PREP: variants seen among roughly 807,000 people sequenced by gnomAD.
The protein encoded by PREP is prolyl endopeptidase.
PREP carries 29 observed loss-of-function variants against 87.6 expected under a neutral mutation model. The ratio of observed to expected loss-of-function variants is 0.33; its 90% CI spans 0.25 to 0.45. The LOEUF is 0.45. Among genes scored for constraint, PREP ranks in the 20% least tolerant of loss-of-function variants. The pLI is 1.00. For synonymous variants in PREP, 337 were observed against 328.6 expected (o/e 1.03, Z -0.28); for missense variants, 695 against 886.5 (o/e 0.78, Z 2.74).
rs761927451 is a variant in PREP at position 105,281,912 on chromosome 6, C to CAACGTAGAAAG, written c.1682-21_1682-11dup. ...TGATTTGCACAAGCAGCTAAAAGCC[C>CAACGTAGAAAG]AACGTAGAAAGAAAAGGGAGGCAGT... On this transcript the variant is annotated splice_polypyrimidine_tract_variant and intron_variant, in intron 13 of 14. Transcript: ENST00000652536. The CAACGTAGAAAG allele has an allele frequency of 4.3e-6, 7 of 1,611,692 alleles. No individual in the cohort carries two copies. Among genetic ancestry groups the CAACGTAGAAAG allele is most frequent in the African/African-American group, 1.3e-5 (1 of 74,836 alleles).
At chr6:105,299,998 G>C (rs1770498319) in intron 10 of PREP, among the ~76,000 whole-genome samples, 1 of 151,784 alleles carries the variant, frequency 6.6e-6, no homozygotes, top group South Asian at 2.1e-4. Context: ...CTAGGTTCAA[G>C]CGATTCTCCT....
intron 6 of PREP, among the ~76,000 whole-genome samples, chr6:105,353,726 G>A (rs756438888): frequency 1.7e-4 from 25 of 148,120 alleles, no homozygotes; most frequent in Admixed American, 4.7e-4. Flanking sequence ...GAGCTGACAC[G>A]GTGCCACTGC....
chr6:105,360,020 A>G (rs1360221582), intron 6 of PREP, among the ~76,000 whole-genome samples: 1 of 152,210 alleles, frequency 6.6e-6, no homozygotes, highest in African/African-American at 2.4e-5. Context: ...CATCGCTAAT[A>G]TCCTGTAAAT....
intron 10 of PREP, among the ~76,000 whole-genome samples, chr6:105,310,911 C>T (rs1221301439): frequency 1.3e-5 from 2 of 152,150 alleles, no homozygotes; most frequent in Non-Finnish European, 2.9e-5. Flanking sequence ...AAATATTTAT[C>T]CTCCTAATCT....
rs1769889579 is a variant in PREP, at chr6:105,274,165, T to C, written c.*3979A>G. On this transcript the variant is annotated 3_prime_UTR_variant, in exon 15 of 15. Coordinates refer to ENST00000652536, the MANE Select transcript of PREP (RefSeq NM_002726.5). ...CTGGTGGGTTGTCAACAACAGAAAT[T>C]GCTCTCTCACAGTCCTAGAGTCTGG... is the stretch of plus-strand genomic sequence containing the variant. Among the ~76,000 whole-genome samples the C allele has an allele frequency of 1.3e-5, 2 of 152,170 alleles. 1 individual carries two copies. Among genetic ancestry groups the C allele is most frequent in the Admixed American group, 1.3e-4 (2 of 15,278 alleles).
At chr6:105,281,574 C>G in intron 14 of PREP, 172 bp downstream of exon 14, 1 of 793,892 alleles carries the variant, frequency 1.3e-6, no homozygotes, top group Non-Finnish European at 1.9e-6. Flanking sequence ...TGCTTTTGTT[C>G]AAGACCATAT....
At chr6:105,365,217 G>A (rs1049966182) in intron 6 of PREP, among the ~76,000 whole-genome samples, 9 of 152,276 alleles carry the variant, frequency 5.9e-5, no homozygotes, top group African/African-American at 1.7e-4. Flanking sequence ...ACGGCACTCC[G>A]CCCTGGGTGA....
intron 7 of PREP, among the ~76,000 whole-genome samples, chr6:105,348,323 A>AG (rs1456734485): frequency 6.6e-6 from 1 of 152,182 alleles, no homozygotes; most frequent in South Asian, 2.1e-4. Flanking sequence ...TTACAGAGGG[A>AG]GGGGGGCTTA....
At position 105,352,999 on chromosome 6, in the gene PREP, G is replaced by T; in HGVS notation, c.796C>A (p.Leu266Ile). 3 of 1,613,868 alleles carry T rather than the reference G, an allele frequency of 1.9e-6. No homozygotes were observed. The highest frequency in any genetic ancestry group is 2.5e-6 in the Non-Finnish European group (3 of 1,179,830). Residue 266 changes from leucine to isoleucine, a missense_variant, in exon 7 of 15, where the codon CTA (leucine) becomes ATA (isoleucine). By Grantham distance (5) the Leu-to-Ile change is conservative. Transcript: ENST00000652536. Reference sequence around the variant, plus strand: ...GCGATGCCACTGGATTCCTGCTGTAGGTCACAGTACCAGAGTCGGTTTACT... The same window carrying T: ...GCGATGCCACTGGATTCCTGCTGTATGTCACAGTACCAGAGTCGGTTTACT... The part of the protein sequence containing the change: ...DPVNRLWYCD[L>I]QQESSGIAGI...
At chr6:105,288,254 T>G (rs1770228169) in intron 11 of PREP, among the ~76,000 whole-genome samples, 1 of 152,240 alleles carries the variant, frequency 6.6e-6, no homozygotes, top group African/African-American at 2.4e-5. Flanking sequence ...TTGGTTGTTT[T>G]TCAAGATTAG....
At chr6:105,309,085 C>T (rs995967762) in intron 10 of PREP, among the ~76,000 whole-genome samples, 28 of 151,730 alleles carry the variant, frequency 1.8e-4, no homozygotes, top group African/African-American at 4.6e-4. Context: ...CTGCAGCAGG[C>T]GGGTGAGGGA....
intron 1 of PREP, among the ~76,000 whole-genome samples, chr6:105,398,792 C>T (rs1773349833): frequency 6.6e-6 from 1 of 152,180 alleles, no homozygotes; most frequent in African/African-American, 2.4e-5. Flanking sequence ...TACAAAATCT[C>T]TCCACCTGAT....
At chr6:105,350,556 C>T (rs954656746) in intron 7 of PREP, among the ~76,000 whole-genome samples, 1 of 152,210 alleles carries the variant, frequency 6.6e-6, no homozygotes, top group East Asian at 1.9e-4. Context: ...TTTACTTAAT[C>T]TTTTCAATAG....
chr6:105,343,268 A>C (rs12198550), intron 7 of PREP, among the ~76,000 whole-genome samples: 9,042 of 152,170 alleles, frequency 0.059, 342 homozygotes, highest in South Asian at 0.14. Flanking sequence ...CAAAAACAAG[A>C]AATGGGGAAA....
At chr6:105,392,224 C>G (rs569406129) in intron 2 of PREP, among the ~76,000 whole-genome samples, 382 of 151,966 alleles carry the variant, frequency 2.5e-3, no homozygotes, top group Non-Finnish European at 4.5e-3. Context: ...ATTTTTAGTA[C>G]AGATGGGGTT....
chr6:105,331,189 G>A (rs923101144), intron 8 of PREP, among the ~76,000 whole-genome samples: 7 of 152,078 alleles, frequency 4.6e-5, no homozygotes, highest in Non-Finnish European at 7.4e-5. Context: ...ATGATATATG[G>A]CACATTCAAA....
At chr6:105,301,470 G>A (rs1770537689) in intron 10 of PREP, among the ~76,000 whole-genome samples, 1 of 152,186 alleles carries the variant, frequency 6.6e-6, no homozygotes. Flanking sequence ...GAACTTCCTA[G>A]GACTTAGAGG....
intron 7 of PREP, among the ~76,000 whole-genome samples, chr6:105,334,481 T>A (rs746803026): frequency 1.3e-5 from 2 of 152,172 alleles, no homozygotes; most frequent in South Asian, 4.2e-4. Context: ...CATTTTGGGA[T>A]GCCAGGGAAG....
intron 10 of PREP, among the ~76,000 whole-genome samples, chr6:105,309,493 G>T (rs369862079): frequency 3.9e-5 from 6 of 152,296 alleles, no homozygotes; most frequent in African/African-American, 1.4e-4. Flanking sequence ...GGGACTACAG[G>T]TGTGTGCCAC....
Sources: gnomAD v4.1 joint callset for allele counts (sites outside exome capture counted in the v4.1 genomes callset) on GRCh38, gnomAD v4.1.1 for gene constraint, MANE v1.5 for transcripts, NCBI Gene and HGNC (gene_info 2026-07-23, HGNC 2026-07-21) for gene names.